USP43: variants seen among roughly 807,000 people sequenced by gnomAD.
USP43 encodes ubiquitin specific peptidase 43.
Under a neutral mutation model 90.7 loss-of-function variants are expected in USP43, and 33 were observed. The observed-to-expected ratio is 0.36, with a 90% confidence interval of 0.28 to 0.49. The LOEUF (loss-of-function observed/expected upper bound fraction) is 0.49. Among genes scored for constraint, USP43 ranks in the 20% least tolerant of loss-of-function variants. USP43 has a pLI of 0.98. For missense variants in USP43, 1,274 were observed against 1,476.4 expected (o/e 0.86, Z 2.25); for synonymous variants, 598 against 615.8 (o/e 0.97, Z 0.43).
intron 2 of USP43, among the ~76,000 whole-genome samples, chr17:9,664,888 C>T (rs1054428048): frequency 3.3e-5 from 5 of 152,286 alleles, no homozygotes; most frequent in Non-Finnish European, 4.4e-5. Flanking sequence ...CCACCCACCT[C>T]GGTCTCCCAA....
At position 9,701,264 on chromosome 17, in the gene USP43, A is replaced by C; in HGVS notation, c.1662+19A>C. The C allele has an allele frequency of 6.2e-7, 1 of 1,605,238 alleles. No individual in the cohort carries two copies. Among genetic ancestry groups the C allele is most frequent in the South Asian group, 1.1e-5 (1 of 89,476 alleles). ...GGAGCAGGTCCCGCCCTGGGGGTCC[A>C]TGCCCCGGCCGGGAAGGGGGCTGGC... On this transcript the variant is annotated intron_variant, in intron 11 of 14. Coordinates refer to ENST00000285199, the MANE Select transcript of USP43 (RefSeq NM_153210.5). This position sits in a 1 kb window ranked among gnomAD's most constrained non-coding sequence, Gnocchi z 7.2.
chr17:9,658,242 G>A (rs1001052096), intron 2 of USP43, among the ~76,000 whole-genome samples: 1 of 152,130 alleles, frequency 6.6e-6, no homozygotes, highest in African/African-American at 2.4e-5. Context: ...CGTCATTCTA[G>A]CGTAATAAAG....
intron 5 of USP43, among the ~76,000 whole-genome samples, chr17:9,677,325 G>A (rs1471446850): frequency 6.6e-6 from 1 of 152,230 alleles, no homozygotes; most frequent in African/African-American, 2.4e-5. Context: ...AAGTGGCTGA[G>A]CCAGGATTTG....
rs1289730265 is a variant in USP43, at chr17:9,681,461, A to ATTTT, written c.1105+1097_1105+1098insTTTT. ...ATATAGATAAATATATATAAAATAT[A>ATTTT]TTATATATATATATATATATATATA... On this transcript the variant is annotated intron_variant, in intron 6 of 14. Transcript: ENST00000285199. Among the ~76,000 whole-genome samples the ATTTT allele has an allele frequency of 2.0e-3, 131 of 65,002 alleles. 4 individuals are homozygous for ATTTT. The highest frequency in any genetic ancestry group is 0.013 in the Middle Eastern group (1 of 78). The allele number at this position is 65,002 out of a possible 152,430, so 42.6% of individuals were successfully genotyped here. A position where few individuals can be genotyped will look rare whatever the true frequency, so the allele number is the denominator to read the frequency against.
At chr17:9,692,871 C>A (rs1248685496) in intron 8 of USP43, among the ~76,000 whole-genome samples, 2 of 152,132 alleles carry the variant, frequency 1.3e-5, no homozygotes, top group African/African-American at 4.8e-5. Context: ...ACTATTTAAA[C>A]ACACTGTGTT....
At position 9,709,727 on chromosome 17, in the gene USP43, AAAAT is replaced by A. The variant is rs1176257856; in HGVS notation, c.2012-213_2012-210del. Among the ~76,000 whole-genome samples the A allele has an allele frequency of 2.6e-5, 4 of 152,094 alleles. No individual in the cohort carries two copies. Among genetic ancestry groups the A allele is most frequent in the Non-Finnish European group, 4.4e-5 (3 of 68,028 alleles). On this transcript the variant is annotated intron_variant, in intron 12 of 14. Coordinates refer to ENST00000285199, the MANE Select transcript of USP43 (RefSeq NM_153210.5). The surrounding 1 kb of genome is among the most constrained non-coding windows in gnomAD (Gnocchi z 5.0). ...CGAAACTCCGTCTCAAAAATAAATAAAAATAAATAAATAAATAAAAATAATAACA... is the reference window on the plus strand; with the variant it reads ...CGAAACTCCGTCTCAAAAATAAATAAAAATAAATAAATAAAAATAATAACA...
chr17:9,650,951 C>G (rs985713257), intron 1 of USP43, among the ~76,000 whole-genome samples: 1 of 152,056 alleles, frequency 6.6e-6, no homozygotes, highest in African/African-American at 2.4e-5. Context: ...GACACTGGAC[C>G]CAGCGTGCAG....
chr17:9,647,061 C>CAAAAAAAAAAAAAAAAAAAAAAAA (rs11305216), intron 1 of USP43: 12 of 79,782 alleles, frequency 1.5e-4, no homozygotes, highest in East Asian at 4.3e-4. Flanking sequence ...TTGCTTCCTG[C>CAAAAAAAAAAAAAAAAAAAAAAAA]AAAAAAAAAA....
At chr17:9,694,723 G>A (rs1278123289) in intron 9 of USP43, among the ~76,000 whole-genome samples, 7 of 151,886 alleles carry the variant, frequency 4.6e-5, no homozygotes, top group South Asian at 2.1e-4. Flanking sequence ...TTCTGGGTTC[G>A]AGCGATTTTC....
intron 9 of USP43, among the ~76,000 whole-genome samples, chr17:9,699,083 C>T (rs1915423440): frequency 1.3e-5 from 2 of 152,214 alleles, no homozygotes; most frequent in South Asian, 4.1e-4. Context: ...AGAGCTGCTT[C>T]CAGGAAACGC....
In USP43 at chr17:9,686,990, G is replaced by A. The variant is rs1914633611; in HGVS notation, c.1353+81G>A. On this transcript the variant is annotated intron_variant, in intron 8 of 14. Transcript: ENST00000285199. This position sits in a 1 kb window ranked among gnomAD's most constrained non-coding sequence, Gnocchi z 5.5. ...GTGTGTGGGTGTGTGTATTGGGAGGGGTGGAATTTAGTGTAGCCCAGGAGA... is the reference window on the plus strand; with the variant it reads ...GTGTGTGGGTGTGTGTATTGGGAGGAGTGGAATTTAGTGTAGCCCAGGAGA... The A allele has an allele frequency of 5.3e-6, 7 of 1,325,972 alleles. No homozygotes were observed. Among genetic ancestry groups the A allele is most frequent in the Middle Eastern group, 4.5e-4 (2 of 4,450 alleles). 82.1% of individuals were successfully genotyped at this position (1,325,972 alleles called of 1,614,324 possible). A position where few individuals can be genotyped will look rare whatever the true frequency, so the allele number is the denominator to read the frequency against.
intron 3 of USP43, among the ~76,000 whole-genome samples, chr17:9,670,486 G>A (rs1913338415): frequency 1.3e-5 from 2 of 152,084 alleles, no homozygotes; most frequent in Admixed American, 6.6e-5. Context: ...GGGGTTTGGA[G>A]TATGTTTTTG....
chr17:9,661,310 A>G (rs540276525), intron 2 of USP43, among the ~76,000 whole-genome samples: 1 of 152,312 alleles, frequency 6.6e-6, no homozygotes, highest in Admixed American at 6.5e-5. Context: ...GACTATGTGC[A>G]GGGAAGATAC....
At chr17:9,691,611 A>T (rs1914959090) in intron 8 of USP43, among the ~76,000 whole-genome samples, 1 of 152,178 alleles carries the variant, frequency 6.6e-6, no homozygotes, top group African/African-American at 2.4e-5. Flanking sequence ...ATTAAAGGTT[A>T]TATGGTAGTT....
In USP43 at chr17:9,728,426, G is replaced by A. The variant is rs754911297; in HGVS notation, c.2808G>A (p.Met936Ile). 2 of 1,611,298 alleles carry A rather than the reference G, an allele frequency of 1.2e-6. No homozygotes were observed. The highest frequency in any genetic ancestry group is 1.7e-5 in the Admixed American group (1 of 59,438). The change falls in exon 15 of 15, where the codon ATG (methionine) becomes ATA (isoleucine). Residue 936 changes from methionine (M) to isoleucine (I), a missense_variant. Physicochemically the swap from Met to Ile is conservative, Grantham distance 10. Around this residue, in one of 6 missense-constraint regions of USP43, gnomAD observed 353 missense variants for 329.7 expected, o/e 1.07. Transcript: ENST00000285199. This position sits in a 1 kb window ranked among gnomAD's most constrained non-coding sequence, Gnocchi z 6.2. ...PRKFDLPLTV[M>I]PSVEHEKPAR... ...AGTTTGACCTGCCTCTCACTGTGAT[G>A]CCTTCAGTGGAGCATGAGAAACCAG...
At chr17:9,652,234 A>AAAAAAAAAAAAAG (rs61023073) in intron 1 of USP43, among the ~76,000 whole-genome samples, 2 of 149,680 alleles carry the variant, frequency 1.3e-5, no homozygotes, top group Admixed American at 6.6e-5. Context: ...AAAAAAGAAA[A>AAAAAAAAAAAAAG]GAAAAGAAAG....
intron 8 of USP43, among the ~76,000 whole-genome samples, chr17:9,687,119 C>T (rs796274619): frequency 3.0e-4 from 45 of 152,192 alleles, no homozygotes; most frequent in African/African-American, 1.1e-3. Context: ...TACTTTTGTG[C>T]CATTACAAAA....
rs191138903 is a variant in USP43 at position 9,701,826 on chromosome 17, G to T, written c.2011+126G>T. ...ATTGAGATCCGACCCCTCACCCACC[G>T]CACACCAGGAAGATGAGGATGAGGA... On this transcript the variant is annotated intron_variant, in intron 12 of 14. Transcript: ENST00000285199. This position sits in a 1 kb window ranked among gnomAD's most constrained non-coding sequence, Gnocchi z 7.2. 20 of 781,114 alleles carry T rather than the reference G, an allele frequency of 2.6e-5. No individual in the cohort carries two copies. The African/African-American group carries it at 3.5e-4, about 14-fold the overall frequency. 48.4% of individuals were successfully genotyped at this position (781,114 alleles called of 1,614,324 possible).
At chr17:9,711,405 A>C (rs1276949869) in intron 13 of USP43, among the ~76,000 whole-genome samples, 1 of 152,140 alleles carries the variant, frequency 6.6e-6, no homozygotes, top group Non-Finnish European at 1.5e-5. Context: ...TTGTCAACAT[A>C]CTTTCCTTTG....
Sources: allele counts gnomAD v4.1 joint callset (sites outside exome capture counted in the v4.1 genomes callset), GRCh38; gene constraint gnomAD v4.1.1; regional missense constraint gnomAD v4.1.1; non-coding constraint Gnocchi (gnomAD v3.1); transcripts MANE v1.5; gene names NCBI Gene and HGNC (gene_info 2026-07-23, HGNC 2026-07-21).